DNAJC10: variants seen among roughly 807,000 people sequenced by gnomAD.
The protein encoded by DNAJC10 is endoplasmic reticulum disulfide reductase DNAJC10.
In DNAJC10, 101 loss-of-function variants were observed where a neutral mutation model predicts 115.0. The ratio of observed to expected loss-of-function variants is 0.88; its 90% CI spans 0.75 to 1.04. The LOEUF is 1.04. DNAJC10 is among the 50% of genes least tolerant of loss of function. DNAJC10 has a pLI of 0.00. For synonymous variants in DNAJC10, 307 were observed against 301.5 expected (o/e 1.02, Z -0.19); for missense variants, 981 against 928.8 (o/e 1.06, Z -0.73).
At position 182,717,897 on chromosome 2, in the gene DNAJC10, G is replaced by T. The variant is rs1693037458; in HGVS notation, c.-146-44G>T. Reference sequence around the variant, plus strand: ...GTGATAAATAAATTGTGCTATTATTGTTTAGTTCAAAATGTATTTTAACTG... The same window carrying T: ...GTGATAAATAAATTGTGCTATTATTTTTTAGTTCAAAATGTATTTTAACTG... On this transcript the variant is annotated intron_variant, in intron 2 of 23. Transcript: ENST00000264065. 4 of 458,032 alleles carry T rather than the reference G, an allele frequency of 8.7e-6. No individual in the cohort carries two copies. In the Admixed American group the frequency reaches 1.6e-4, roughly 18 times the overall value. The allele number at this position is 458,032 out of a possible 1,614,324, so 28.4% of individuals were successfully genotyped here. A position where few individuals can be genotyped will look rare whatever the true frequency, so the allele number is the denominator to read the frequency against.
At chr2:182,776,211 T>A (rs1402082039) in intron 23 of DNAJC10, among the ~76,000 whole-genome samples, 1 of 152,138 alleles carries the variant, frequency 6.6e-6, no homozygotes, top group Non-Finnish European at 1.5e-5. Flanking sequence ...ATTGAATTGT[T>A]AGGAATAAAT....
rs551657613 is a variant in DNAJC10, at chr2:182,756,788, G to A, written c.1809+319G>A. Among the ~76,000 whole-genome samples the A allele has an allele frequency of 1.2e-3, 184 of 152,150 alleles. 1 individual carries two copies. The highest frequency in any genetic ancestry group is 4.2e-3 in the African/African-American group (174 of 41,516). Reference sequence around the variant, plus strand: ...CTAGTAGCTGGGATTACAGGCATGTGCCACCACGCCTAGCTAATTTTTGTA... The same window carrying A: ...CTAGTAGCTGGGATTACAGGCATGTACCACCACGCCTAGCTAATTTTTGTA... On this transcript the variant is annotated intron_variant, in intron 18 of 23. Transcript: ENST00000264065.
chr2:182,772,798 G>T (rs1478771523), intron 22 of DNAJC10, among the ~76,000 whole-genome samples: 3 of 152,140 alleles, frequency 2.0e-5, no homozygotes, highest in South Asian at 2.1e-4. Context: ...TATCAAATTT[G>T]CCAGCCTGTG....
rs1230256058 is a variant in DNAJC10, at chr2:182,777,148, A to AG, written c.*17dup. On this transcript the variant is annotated 3_prime_UTR_variant, in exon 24 of 24. Coordinates refer to ENST00000264065, the MANE Select transcript of DNAJC10 (RefSeq NM_018981.4). Reference sequence around the variant, plus strand: ...TGAACTTTGATAATGTTGAAGATGAAGAAAAAGTTTAAAAGAAATTCTGAC... The same window carrying AG: ...TGAACTTTGATAATGTTGAAGATGAAGGAAAAAGTTTAAAAGAAATTCTGAC... 1.2e-5 allele frequency: 16 copies of AG among 1,390,664 alleles called. No individual in the cohort carries two copies. Among genetic ancestry groups the AG allele is most frequent in the African/African-American group, 2.9e-5 (2 of 68,828 alleles). The allele number at this position is 1,390,664 out of a possible 1,614,324, so 86.1% of individuals were successfully genotyped here.
intron 13 of DNAJC10, among the ~76,000 whole-genome samples, chr2:182,741,829 A>G (rs1219401878): frequency 2.0e-5 from 3 of 152,156 alleles, no homozygotes; most frequent in Non-Finnish European, 4.4e-5. Context: ...AGGCATATGT[A>G]TATGTGTGCA....
At chr2:182,765,816 G>A (rs1420594463) in intron 22 of DNAJC10, among the ~76,000 whole-genome samples, 1 of 152,228 alleles carries the variant, frequency 6.6e-6, no homozygotes, top group African/African-American at 2.4e-5. Flanking sequence ...TGTTGTATGT[G>A]CTAAAGTTGC....
chr2:182,745,271 C>G (rs1376271162), intron 14 of DNAJC10, among the ~76,000 whole-genome samples: 2 of 152,196 alleles, frequency 1.3e-5, no homozygotes, highest in Non-Finnish European at 2.9e-5. Flanking sequence ...CCAGTTTTTC[C>G]AGTCTTAATT....
chr2:182,786,647 A>G lies in DNAJC10; in HGVS notation c.*9515A>G, dbSNP rs1334238049. 6.6e-6 allele frequency: 1 copy of G among 152,334 alleles called. No homozygotes were observed. Among genetic ancestry groups the G allele is most frequent in the Non-Finnish European group, 1.5e-5 (1 of 68,144 alleles). The allele number at this position is 152,334 out of a possible 1,614,324, so 9.4% of individuals were successfully genotyped here. ...TTTTGCCAGCTACGCAGCTTTGAAT[A>G]GCCTTCCACCCTTGTGTCCTTCAAA... On this transcript the variant is annotated 3_prime_UTR_variant, in exon 24 of 24. Coordinates refer to ENST00000264065, the MANE Select transcript of DNAJC10 (RefSeq NM_018981.4).
At chr2:182,728,824 G>T (rs1333647389) in intron 6 of DNAJC10, 39 bp from the exon 7 acceptor site, 2 of 1,610,222 alleles carry the variant, frequency 1.2e-6, no homozygotes, top group Non-Finnish European at 1.7e-6. Flanking sequence ...GAAGAAAAGT[G>T]GTCTTATCAG....
At chr2:182,730,031 G>C (rs1002940143) in intron 8 of DNAJC10, 90 bp downstream of exon 8, 1 of 809,028 alleles carries the variant, frequency 1.2e-6, no homozygotes, top group Non-Finnish European at 2.0e-6. Context: ...TTTGGTCATG[G>C]TATTGAAATT....
At position 182,782,864 on chromosome 2, in the gene DNAJC10, CAG is replaced by C. The variant is rs1457755675; in HGVS notation, c.*5736_*5737del. On this transcript the variant is annotated 3_prime_UTR_variant, in exon 24 of 24. Coordinates refer to ENST00000264065, the MANE Select transcript of DNAJC10 (RefSeq NM_018981.4). ...AATATACAATTATGTCATCTGCAAA[CAG>C]AGATAATTTGACTTCCTCTCTTCCT... 3.3e-5 allele frequency: 5 copies of C among 152,202 alleles called. No homozygotes were observed. The highest frequency in any genetic ancestry group is 1.2e-4 in the African/African-American group (5 of 41,450). 9.4% of individuals were successfully genotyped at this position (152,202 alleles called of 1,614,324 possible).
In DNAJC10 at chr2:182,771,039, C is replaced by G. The variant is rs1694547183; in HGVS notation, c.2266-4277C>G. On this transcript the variant is annotated intron_variant, in intron 22 of 23. Transcript: ENST00000264065. ...AAGGGCTGTTGAATTTTGTCAAAGG[C>G]CTTTTCTGCATCTATTGAGATAATC... is the stretch of plus-strand genomic sequence containing the variant. Among the ~76,000 whole-genome samples the G allele has an allele frequency of 2.6e-5, 4 of 152,200 alleles. No individual in the cohort carries two copies. In the South Asian group the frequency reaches 6.2e-4, roughly 24 times the overall value.
chr2:182,754,864 A>G, intron 16 of DNAJC10, 139 bp from the exon 17 acceptor site: 1 of 1,350,194 alleles, frequency 7.4e-7, no homozygotes, highest in Non-Finnish European at 9.9e-7. Flanking sequence ...ATTTGGTGAG[A>G]CTAAAATTTT....
intron 10 of DNAJC10, among the ~76,000 whole-genome samples, chr2:182,733,170 T>G (rs1472477905): frequency 6.6e-6 from 1 of 152,050 alleles, no homozygotes; most frequent in Admixed American, 6.5e-5. Flanking sequence ...ATCATTGATT[T>G]ATCTATTTCT....
chr2:182,778,053 C>T lies in DNAJC10; in HGVS notation c.*921C>T, dbSNP rs909722481. ...TGAAATTGCTTTCATAGAAATTTTC[C>T]CACTGATAGTTGATTTTTGAGGCAT... is the stretch of plus-strand genomic sequence containing the variant. On this transcript the variant is annotated 3_prime_UTR_variant, in exon 24 of 24. Transcript: ENST00000264065. 6.6e-6 allele frequency: 1 copy of T among 152,022 alleles called. No individual in the cohort carries two copies. Among genetic ancestry groups the T allele is most frequent in the Non-Finnish European group, 1.5e-5 (1 of 68,006 alleles). The allele number at this position is 152,022 out of a possible 1,614,324, so 9.4% of individuals were successfully genotyped here. A position where few individuals can be genotyped will look rare whatever the true frequency, so the allele number is the denominator to read the frequency against.
chr2:182,757,231 T>G (rs538164284), intron 18 of DNAJC10, among the ~76,000 whole-genome samples: 1 of 152,296 alleles, frequency 6.6e-6, no homozygotes, highest in East Asian at 1.9e-4. Context: ...GATAAAACAC[T>G]AAATCTGAGT....
Position 182,777,111 on chromosome 2 carries a change from A to T in DNAJC10, c.2371-10A>T. On this transcript the variant is annotated splice_polypyrimidine_tract_variant and intron_variant, in intron 23 of 23. Coordinates refer to ENST00000264065, the MANE Select transcript of DNAJC10 (RefSeq NM_018981.4). ...CTCCTTTCTCTATCGCCTTTACATT[A>T]TTATTATAGGATGAACTTTGATAAT... The T allele has an allele frequency of 7.1e-7, 1 of 1,404,178 alleles. No individual in the cohort carries two copies. The highest frequency in any genetic ancestry group is 9.6e-7 in the Non-Finnish European group (1 of 1,045,546). The allele number at this position is 1,404,178 out of a possible 1,614,324, so 87.0% of individuals were successfully genotyped here. A position where few individuals can be genotyped will look rare whatever the true frequency, so the allele number is the denominator to read the frequency against.
Position 182,788,626 on chromosome 2 carries a change from G to A in DNAJC10, c.*11494G>A. 3.2e-6 allele frequency: 1 copy of A among 309,584 alleles called. No individual in the cohort carries two copies. Among genetic ancestry groups the A allele is most frequent in the East Asian group, 8.8e-5 (1 of 11,342 alleles). The allele number at this position is 309,584 out of a possible 1,614,324, so 19.2% of individuals were successfully genotyped here. ...ATTGGTTGTAGCAATACGTCCGTCT[G>A]TAAGTGATGGTCATATTTGTGTTCT... On this transcript the variant is annotated 3_prime_UTR_variant, in exon 24 of 24. Transcript: ENST00000264065.
intron 10 of DNAJC10, 42 bp downstream of exon 10, chr2:182,732,584 G>A (rs1485875423): frequency 1.3e-6 from 2 of 1,579,724 alleles, no homozygotes; most frequent in African/African-American, 1.4e-5. Context: ...ACCATGTAAA[G>A]AAACACATTT....
Sources: allele counts gnomAD v4.1 joint callset (sites outside exome capture counted in the v4.1 genomes callset), GRCh38; gene constraint gnomAD v4.1.1; transcripts MANE v1.5; gene names NCBI Gene and HGNC (gene_info 2026-07-23, HGNC 2026-07-21).